Variants in TBC1D16 observed in about 807,000 individuals in gnomAD.
TBC1D16 encodes TBC1 domain family member 16, also known as CTD-2529O21.1.
A neutral mutation model predicts 74.7 loss-of-function variants in TBC1D16; 58 were observed. That is an observed-to-expected ratio of 0.78 (90% CI 0.63 to 0.97). The LOEUF (loss-of-function observed/expected upper bound fraction) is 0.97, where lower values mean the gene tolerates loss of function less well. Ranked by LOEUF, TBC1D16 falls within the 50% of genes least tolerant of loss-of-function variation. The pLI, the probability that TBC1D16 is intolerant of heterozygous loss-of-function variation, is 0.00. For missense variants in TBC1D16, 1,014 were observed against 1,079.5 expected (o/e 0.94, Z 0.85); for synonymous variants, 493 against 474.7 (o/e 1.04, Z -0.50).
chr17:80,010,389 A>T lies in TBC1D16; in HGVS notation c.550T>A (p.Ser184Thr). ...GGACTGACCGTCGACAAGATCCCGG[A>T]GGGGCTGCAAGCAGGCTGCGAGGCT... Reference protein sequence around the residue: ...QPASQPACSPSGILSTVSPQD... With the variant: ...QPASQPACSPTGILSTVSPQD... The change falls in exon 3 of 12, where the codon TCC becomes ACC. Residue 184 changes from serine to threonine, a missense_variant. Physicochemically the swap from Ser to Thr is moderately conservative, Grantham distance 58 (BLOSUM62 1). Transcript: ENST00000310924. This position sits in a 1 kb window ranked among gnomAD's most constrained non-coding sequence, Gnocchi z 8.8. The T allele has an allele frequency of 6.2e-7, 1 of 1,611,770 alleles. No homozygotes were observed. The highest frequency in any genetic ancestry group is 8.5e-7 in the Non-Finnish European group (1 of 1,179,220).
rs1469798567 is a variant in TBC1D16 at position 79,961,054 on chromosome 17, G to GA, written c.780-8237dup. Among the ~76,000 whole-genome samples the GA allele has an allele frequency of 3.9e-5, 6 of 152,182 alleles. No homozygotes were observed. The highest frequency in any genetic ancestry group is 5.9e-5 in the Non-Finnish European group (4 of 68,034). ...TATAGCAGTTTTATTCATCATTGCA[G>GA]AAAACAGGAAATGACACAAACGTCT... On this transcript the variant is annotated intron_variant, in intron 3 of 11. Transcript: ENST00000310924. The surrounding 1 kb of genome is among the most constrained non-coding windows in gnomAD (Gnocchi z 4.8).
At position 79,980,104 on chromosome 17, in the gene TBC1D16, C is replaced by T. The variant is rs2034520385; in HGVS notation, c.780-27286G>A. On this transcript the variant is annotated intron_variant, in intron 3 of 11. Coordinates refer to ENST00000310924, the MANE Select transcript of TBC1D16 (RefSeq NM_019020.4). The surrounding 1 kb of genome is among the most constrained non-coding windows in gnomAD (Gnocchi z 7.0). ...GCGAGGTTCATCTGGGCCTCCGAGC[C>T]TCCCAGCGCATCCCACTGCTCTGCA... Among the ~76,000 whole-genome samples, 1 of 152,160 alleles carries T rather than the reference C, an allele frequency of 6.6e-6. No individual in the cohort carries two copies. The highest frequency in any genetic ancestry group is 1.5e-5 in the Non-Finnish European group (1 of 68,014).
rs943262725 is a variant in TBC1D16 at position 79,936,253 on chromosome 17, G to A, written c.*4606C>T. 6 of 152,348 alleles carry A rather than the reference G, an allele frequency of 3.9e-5. No individual in the cohort carries two copies. Among genetic ancestry groups the A allele is most frequent in the East Asian group, 1.9e-4 (1 of 5,178 alleles). The allele number at this position is 152,348 out of a possible 1,614,324, so 9.4% of individuals were successfully genotyped here. On this transcript the variant is annotated 3_prime_UTR_variant, in exon 12 of 12. Transcript: ENST00000310924. ...AAGAGTCACAGAGAGGCTCGCCCTC[G>A]GCGGAGGACACACAGCTGGGTGGGC... is the stretch of plus-strand genomic sequence containing the variant.
At chr17:80,019,984 T>C (rs2036229933) in intron 1 of TBC1D16, among the ~76,000 whole-genome samples, 1 of 149,946 alleles carries the variant, frequency 6.7e-6, no homozygotes, top group Middle Eastern at 3.2e-3. Flanking sequence ...AGCATCTTTA[T>C]AGAGGTGATC....
At chr17:79,999,148 C>T (rs942994339) in intron 3 of TBC1D16, among the ~76,000 whole-genome samples, 2 of 151,608 alleles carry the variant, frequency 1.3e-5, no homozygotes, top group African/African-American at 2.4e-5. Flanking sequence ...CCCAGCTACT[C>T]GGGAGGCTGA....
At chr17:79,997,949 AC>A (rs1360893422) in intron 3 of TBC1D16, among the ~76,000 whole-genome samples, 8 of 151,928 alleles carry the variant, frequency 5.3e-5, no homozygotes, top group Non-Finnish European at 1.2e-4. Flanking sequence ...ACGTGGTGAA[AC>A]CCCGTCTCTA....
At chr17:79,942,720 C>T (rs930506144) in intron 10 of TBC1D16, among the ~76,000 whole-genome samples, 3 of 152,184 alleles carry the variant, frequency 2.0e-5, no homozygotes, top group East Asian at 1.9e-4. Flanking sequence ...GCCACACCCC[C>T]CAATCATGCC....
In TBC1D16 at chr17:79,985,258, C is replaced by T. The variant is rs55871988; in HGVS notation, c.779+24902G>A. On this transcript the variant is annotated intron_variant, in intron 3 of 11. Coordinates refer to ENST00000310924, the MANE Select transcript of TBC1D16 (RefSeq NM_019020.4). This position sits in a 1 kb window ranked among gnomAD's most constrained non-coding sequence, Gnocchi z 4.9. ...TCCGTCCGTGTCTTTTAAAGACATC[C>T]GTTGGATTTAGGGCCACCCTAATCC... Among the ~76,000 whole-genome samples the T allele has an allele frequency of 0.23, 35,251 of 151,996 alleles. 4,285 individuals carry two copies. Among genetic ancestry groups the T allele is most frequent in the Non-Finnish European group, 0.27 (18,388 of 67,934 alleles).
chr17:79,950,390 C>T lies in TBC1D16; in HGVS notation c.1257+21G>A. The T allele has an allele frequency of 6.3e-7, 1 of 1,584,382 alleles. No homozygotes were observed. The highest frequency in any genetic ancestry group is 8.6e-7 in the Non-Finnish European group (1 of 1,165,748). On this transcript the variant is annotated intron_variant, in intron 6 of 11. Coordinates refer to ENST00000310924, the MANE Select transcript of TBC1D16 (RefSeq NM_019020.4). The surrounding 1 kb of genome is among the most constrained non-coding windows in gnomAD (Gnocchi z 4.6). The stretch of plus-strand genomic sequence containing the variant: ...CCCGGCCGGCTCTCCGCGGGGCCAG[C>T]TGGGCGGACCCGGACCTCACCTTCC...
intron 1 of TBC1D16, among the ~76,000 whole-genome samples, chr17:80,025,285 A>G (rs1412022138): frequency 6.7e-6 from 1 of 149,926 alleles, no homozygotes; most frequent in Non-Finnish European, 1.5e-5. Context: ...GACACGCCAG[A>G]GGCTGCCTGG....
rs901763337 is a variant in TBC1D16, at chr17:79,956,584, G to C, written c.780-3766C>G. ...GTCGCTTTAAGTTGCTGAGTTTGAG[G>C]GCGGTTTGTTTCACAGCAACGGATC... is the stretch of plus-strand genomic sequence containing the variant. On this transcript the variant is annotated intron_variant, in intron 3 of 11. Transcript: ENST00000310924. This position sits in a 1 kb window ranked among gnomAD's most constrained non-coding sequence, Gnocchi z 4.0. 6.6e-6 allele frequency among the ~76,000 whole-genome samples: 1 copy of C among 152,184 alleles called. No individual in the cohort carries two copies.
chr17:80,011,072 C>T (rs1351256655), intron 2 of TBC1D16, among the ~76,000 whole-genome samples: 2 of 152,166 alleles, frequency 1.3e-5, no homozygotes, highest in East Asian at 1.9e-4. Flanking sequence ...GACAGGGTCT[C>T]GCTCTGTGTC....
In TBC1D16 at chr17:79,944,169, C is replaced by T. The variant is rs2032301701; in HGVS notation, c.1908+739G>A. 2 of 1,533,572 alleles carry T rather than the reference C, an allele frequency of 1.3e-6. No individual in the cohort carries two copies. The highest frequency in any genetic ancestry group is 1.4e-5 in the African/African-American group (1 of 73,132). The allele number at this position is 1,533,572 out of a possible 1,614,324, so 95.0% of individuals were successfully genotyped here. ...ATGTCTTCCAGCAGATGGGTGTTTG[C>T]CTCCATCTTCAGGGTTCTCTGACGG... On this transcript the variant is annotated intron_variant, in intron 10 of 11. Coordinates refer to ENST00000310924, the MANE Select transcript of TBC1D16 (RefSeq NM_019020.4). The surrounding 1 kb of genome is among the most constrained non-coding windows in gnomAD (Gnocchi z 7.7).
chr17:79,951,709 A>G (rs1277234801), intron 4 of TBC1D16, 112 bp from the exon 5 acceptor site: 2 of 1,261,810 alleles, frequency 1.6e-6, no homozygotes, highest in African/African-American at 1.5e-5. Flanking sequence ...AGCAGGAAAC[A>G]GTGAGTCCCA....
At chr17:80,024,080 G>C (rs2036392109) in intron 1 of TBC1D16, 1 of 150,120 alleles carries the variant, frequency 6.7e-6, no homozygotes, top group Non-Finnish European at 1.5e-5. Context: ...CTAAGCAGAA[G>C]CGGCTTTTGG....
In TBC1D16 at chr17:79,983,290, C is replaced by T. The variant is rs536309235; in HGVS notation, c.779+26870G>A. Among the ~76,000 whole-genome samples the T allele has an allele frequency of 1.3e-4, 20 of 152,306 alleles. 1 individual carries two copies. The South Asian group carries it at 4.1e-3, about 32-fold the overall frequency. ...GTAATCTCAGGGACTCTCAGCTGGC[C>T]CCACCCCAGGAAATGCAGTCGGTGT... On this transcript the variant is annotated intron_variant, in intron 3 of 11. Transcript: ENST00000310924. This position sits in a 1 kb window ranked among gnomAD's most constrained non-coding sequence, Gnocchi z 5.6.
At chr17:79,943,155 A>C (rs1463045107) in intron 10 of TBC1D16, among the ~76,000 whole-genome samples, 5 of 152,200 alleles carry the variant, frequency 3.3e-5, no homozygotes, top group Non-Finnish European at 7.3e-5. Context: ...GGTGACTCCC[A>C]CGCCCCAGCC....
chr17:80,011,578 G>A (rs879364597), intron 2 of TBC1D16, among the ~76,000 whole-genome samples: 255 of 152,288 alleles, frequency 1.7e-3, no homozygotes, highest in Non-Finnish European at 2.6e-3. Context: ...TGTAATCCCA[G>A]CACTTTGGGA....
In TBC1D16 at chr17:80,032,693, C is replaced by G. The variant is rs146989565; in HGVS notation, c.-63+3102G>C. Among the ~76,000 whole-genome samples, 466 of 152,318 alleles carry G rather than the reference C, an allele frequency of 3.1e-3. 4 individuals are homozygous for G. Among genetic ancestry groups the G allele is most frequent in the African/African-American group, 0.011 (447 of 41,574 alleles). ...TGGGAAGGGTGCAAATGTGTGCTCT[C>G]TCCTGTGCACTGGCCTCATTAACAG... On this transcript the variant is annotated intron_variant, in intron 1 of 11. Coordinates refer to ENST00000310924, the MANE Select transcript of TBC1D16 (RefSeq NM_019020.4).
Sources: allele counts gnomAD v4.1 joint callset (sites outside exome capture counted in the v4.1 genomes callset), GRCh38; gene constraint gnomAD v4.1.1; non-coding constraint Gnocchi (gnomAD v3.1); transcripts MANE v1.5; gene names NCBI Gene and HGNC (gene_info 2026-07-23, HGNC 2026-07-21).